The following UBAP2 variants were observed in gnomAD, a reference collection of about 807,000 sequenced individuals.
The protein encoded by UBAP2 is ubiquitin-associated protein 2.
UBAP2 carries 75 observed loss-of-function variants against 139.6 expected under a neutral mutation model. That is an observed-to-expected ratio of 0.54 (90% CI 0.45 to 0.65). The LOEUF is 0.65. Among genes scored for constraint, UBAP2 ranks in the 30% least tolerant of loss-of-function variants. UBAP2 has a pLI of 0.00. For missense variants in UBAP2, 1,368 were observed against 1,369.6 expected, an observed-to-expected ratio of 1.00 and a Z score of 0.02; for synonymous variants, 526 against 526.2, an observed-to-expected ratio of 1.00 and a Z score of 0.01.
chr9:33,923,260 C>T lies in UBAP2; in HGVS notation c.2930G>A (p.Gly977Glu), dbSNP rs1259289850. 2 of 1,614,072 alleles carry T rather than the reference C, an allele frequency of 1.2e-6. No homozygotes were observed. The highest frequency in any genetic ancestry group is 1.1e-5 in the South Asian group (1 of 91,088). Residue 977 changes from glycine (G) to glutamate (E), a missense_variant, in exon 26 of 29, where the codon GGA becomes GAA. Transcript: ENST00000379238. The stretch of plus-strand genomic sequence containing the variant: ...AGCATAGCCACCTTTGGAGTAGTCT[C>T]CTGCTGCTGTCCCCTGGGTCAGGTC... ...YDDLTQGTAAGDYSKGGYAGS... is the reference protein window; with the variant it reads ...YDDLTQGTAAEDYSKGGYAGS...
At chr9:33,933,724 A>G (rs1156985540) in intron 17 of UBAP2, 96 bp from the exon 18 acceptor site, 2 of 1,529,588 alleles carry the variant, frequency 1.3e-6, no homozygotes, top group Admixed American at 3.6e-5. Flanking sequence ...GTGACATGTC[A>G]GCCTCAGTTG....
intron 2 of UBAP2, among the ~76,000 whole-genome samples, chr9:34,006,924 GA>G: frequency 6.6e-6 from 1 of 152,102 alleles, no homozygotes; most frequent in East Asian, 1.9e-4. Context: ...ATGGCCAAAG[GA>G]GAAGCATATA....
intron 10 of UBAP2, among the ~76,000 whole-genome samples, chr9:33,959,613 A>C (rs1826864171): frequency 6.6e-6 from 1 of 151,664 alleles, no homozygotes; most frequent in Non-Finnish European, 1.5e-5. Context: ...TTATTTTTCC[A>C]AAAAAAATAC....
At position 33,944,575 on chromosome 9, in the gene UBAP2, C is replaced by G; in HGVS notation, c.1335G>C (p.Gln445His). Residue 445 changes from glutamine to histidine, a missense_variant, in exon 14 of 29, where the codon CAG becomes CAC. Transcript: ENST00000379238. ...GAGGAGGAACAGTGACTGCCTGGCTCTGGTGCTGTTGTCGCTGGCTCAACT... is the reference window on the plus strand; with the variant it reads ...GAGGAGGAACAGTGACTGCCTGGCTGTGGTGCTGTTGTCGCTGGCTCAACT... ...LSQLSQRQQH[Q>H]SQAVTVPPPG... The G allele has an allele frequency of 6.2e-7, 1 of 1,614,094 alleles. No individual in the cohort carries two copies. The highest frequency in any genetic ancestry group is 8.5e-7 in the Non-Finnish European group (1 of 1,180,020).
At chr9:34,013,834 G>A (rs939759639) in intron 2 of UBAP2, among the ~76,000 whole-genome samples, 4 of 149,590 alleles carry the variant, frequency 2.7e-5, no homozygotes, top group African/African-American at 4.9e-5. Context: ...CTGAGAACGC[G>A]CCACTGCACT....
At chr9:33,937,487 G>C (rs1022900241) in intron 16 of UBAP2, among the ~76,000 whole-genome samples, 1 of 150,162 alleles carries the variant, frequency 6.7e-6, no homozygotes, top group African/African-American at 2.5e-5. Context: ...CACACCTGTA[G>C]TTCTAGCTAG....
chr9:33,994,259 G>T (rs527682243), intron 4 of UBAP2, among the ~76,000 whole-genome samples: 18 of 152,182 alleles, frequency 1.2e-4, no homozygotes, highest in African/African-American at 3.1e-4. Flanking sequence ...GGAGGAGGGG[G>T]TGTTAAAACT....
intron 10 of UBAP2, among the ~76,000 whole-genome samples, chr9:33,959,706 T>C (rs1826875081): frequency 6.6e-6 from 1 of 152,188 alleles, no homozygotes; most frequent in Non-Finnish European, 1.5e-5. Context: ...ATAAAGGAAT[T>C]TTTTTTAAAA....
At chr9:34,048,487 C>T (rs968798155) in intron 1 of UBAP2, among the ~76,000 whole-genome samples, 1 of 152,112 alleles carries the variant, frequency 6.6e-6, no homozygotes, top group East Asian at 1.9e-4. Context: ...TACTGGCAGG[C>T]ACCGAGGTGG....
At chr9:34,035,514 A>AAAAAAAAAATATAT in intron 1 of UBAP2, among the ~76,000 whole-genome samples, 25 of 22,490 alleles carry the variant, frequency 1.1e-3, no homozygotes, top group East Asian at 1.8e-3. Context: ...AAAAAAAAAA[A>AAAAAAAAAATATAT]ATATATATAT....
intron 2 of UBAP2, among the ~76,000 whole-genome samples, chr9:34,015,787 G>A (rs1317716024): frequency 1.3e-5 from 2 of 151,984 alleles, no homozygotes; most frequent in Non-Finnish European, 2.9e-5. Flanking sequence ...TCCCACCTCA[G>A]CCGCCCAAGT....
chr9:33,990,011 C>T (rs1000367394), intron 4 of UBAP2, among the ~76,000 whole-genome samples: 3 of 151,954 alleles, frequency 2.0e-5, no homozygotes, highest in East Asian at 3.9e-4. Context: ...TATATAACCT[C>T]CCTTCTCCAC....
intron 10 of UBAP2, among the ~76,000 whole-genome samples, chr9:33,957,019 G>C (rs1415538269): frequency 1.3e-5 from 2 of 151,632 alleles, no homozygotes; most frequent in East Asian, 3.9e-4. Flanking sequence ...CAGTCCAGAG[G>C]TTGAGGCTGC....
chr9:34,046,805 A>G (rs1187558180), intron 1 of UBAP2, among the ~76,000 whole-genome samples: 1 of 152,176 alleles, frequency 6.6e-6, no homozygotes, highest in Non-Finnish European at 1.5e-5. Context: ...TAAACCTATT[A>G]GTCTACATGT....
At chr9:33,964,390 G>A (rs1442984113) in intron 8 of UBAP2, among the ~76,000 whole-genome samples, 1 of 152,162 alleles carries the variant, frequency 6.6e-6, no homozygotes, top group Non-Finnish European at 1.5e-5. Context: ...TAAATAATAA[G>A]TGGGAGGAGA....
At chr9:33,992,079 C>A (rs1821756162) in intron 4 of UBAP2, among the ~76,000 whole-genome samples, 1 of 152,062 alleles carries the variant, frequency 6.6e-6, no homozygotes, top group South Asian at 2.1e-4. Context: ...TGGTGAAACC[C>A]CATCTCTACT....
At chr9:33,934,689 G>A (rs952157865) in intron 17 of UBAP2, among the ~76,000 whole-genome samples, 26 of 152,184 alleles carry the variant, frequency 1.7e-4, no homozygotes, top group Non-Finnish European at 2.4e-4. Context: ...AAAATGGGGA[G>A]GGAAGGGGAG....
At chr9:33,986,147 G>A (rs1026865738) in intron 6 of UBAP2, among the ~76,000 whole-genome samples, 1 of 151,896 alleles carries the variant, frequency 6.6e-6, no homozygotes, top group South Asian at 2.1e-4. Context: ...CCACCTCTTG[G>A]GTCCAAGCAA....
chr9:34,016,210 T>C (rs62558770), intron 2 of UBAP2, among the ~76,000 whole-genome samples: 1 of 55,894 alleles, frequency 1.8e-5, no homozygotes, highest in East Asian at 1.0e-3. Context: ...AGAGGAGGAA[T>C]AGGAGGAAGA....
Sources: allele counts gnomAD v4.1 joint callset (sites outside exome capture counted in the v4.1 genomes callset), GRCh38; gene constraint gnomAD v4.1.1; transcripts MANE v1.5; gene names NCBI Gene and HGNC (gene_info 2026-07-23, HGNC 2026-07-21).